TRAF3: variants seen among roughly 807,000 people sequenced by gnomAD.
TRAF3 encodes TNF receptor associated factor 3.
A neutral mutation model predicts 62.3 loss-of-function variants in TRAF3; 13 were observed. The observed-to-expected ratio is 0.21, with a 90% CI of 0.14 to 0.33. The LOEUF (loss-of-function observed/expected upper bound fraction) is 0.33. Ranked by LOEUF, TRAF3 falls within the 10% of genes least tolerant of loss-of-function variation. The pLI, the probability that TRAF3 is intolerant of heterozygous loss-of-function variation, is 1.00. For synonymous variants in TRAF3, 269 were observed against 283.4 expected (o/e 0.95, Z 0.51); for missense variants, 440 against 741.8 (o/e 0.59, Z 4.73).
At chr14:102,859,645 T>G (rs1202931754) in intron 2 of TRAF3, among the ~76,000 whole-genome samples, 1 of 152,264 alleles carries the variant, frequency 6.6e-6, no homozygotes, top group Non-Finnish European at 1.5e-5. Flanking sequence ...ACAGCTTAAG[T>G]CACACGAATT....
chr14:102,800,552 T>C (rs186929636), intron 1 of TRAF3, among the ~76,000 whole-genome samples: 1 of 152,330 alleles, frequency 6.6e-6, no homozygotes, highest in East Asian at 1.9e-4. Context: ...CCCCAGAGCC[T>C]CTGAAAATGG....
intron 2 of TRAF3, among the ~76,000 whole-genome samples, chr14:102,856,787 C>T (rs532927271): frequency 1.3e-5 from 2 of 152,152 alleles, no homozygotes; most frequent in Non-Finnish European, 2.9e-5. Context: ...GATCCATCTT[C>T]TGTAACTTCT....
At chr14:102,861,680 C>T (rs1377846020) in intron 2 of TRAF3, among the ~76,000 whole-genome samples, 1 of 152,128 alleles carries the variant, frequency 6.6e-6, no homozygotes, top group Non-Finnish European at 1.5e-5. Context: ...GTTATTGAAT[C>T]TCATGCAAGA....
chr14:102,809,820 G>A (rs1035232497), intron 1 of TRAF3, among the ~76,000 whole-genome samples: 1 of 152,030 alleles, frequency 6.6e-6, no homozygotes, highest in Non-Finnish European at 1.5e-5. Flanking sequence ...ATGAGCCACC[G>A]CGCTTGGCCC....
In TRAF3 at chr14:102,905,716, A is replaced by G; in HGVS notation, c.1639A>G (p.Thr547Ala). 6.2e-7 allele frequency: 1 copy of G among 1,612,362 alleles called. No individual in the cohort carries two copies. Among genetic ancestry groups the G allele is most frequent in the Non-Finnish European group, 8.5e-7 (1 of 1,178,788 alleles). ...FVAQTVLENG[T>A]YIKDDTIFIK... ...GGCCCAAACTGTTCTAGAAAATGGG[A>G]CATATATTAAAGATGATACAATTTT... The change falls in exon 12 of 12, where the codon ACA becomes GCA. Residue 547 changes from threonine (T) to alanine (A), a missense_variant. By Grantham distance (58) the Thr-to-Ala change is moderately conservative (BLOSUM62 0). This residue lies in a region of TRAF3 where 59 missense variants were observed against 120.9 expected (regional missense o/e 0.49). Coordinates refer to ENST00000392745, the MANE Select transcript of TRAF3 (RefSeq NM_145725.3).
chr14:102,849,711 C>T (rs902979076), intron 2 of TRAF3, among the ~76,000 whole-genome samples: 4 of 152,184 alleles, frequency 2.6e-5, no homozygotes, highest in African/African-American at 9.7e-5. Flanking sequence ...GCCCAGGATG[C>T]TGACTGTGGG....
intron 2 of TRAF3, among the ~76,000 whole-genome samples, chr14:102,849,560 T>G (rs1271731484): frequency 6.6e-6 from 1 of 152,272 alleles, no homozygotes; most frequent in African/African-American, 2.4e-5. Context: ...TGTGTTATAC[T>G]GTGATTTAAT....
At chr14:102,778,609 A>G (rs1237179000) in intron 1 of TRAF3, among the ~76,000 whole-genome samples, 1 of 127,928 alleles carries the variant, frequency 7.8e-6, no homozygotes, top group African/African-American at 2.6e-5. Flanking sequence ...GTGTGTGTGT[A>G]TGGATATAAT....
intron 1 of TRAF3, among the ~76,000 whole-genome samples, chr14:102,816,273 T>C (rs1186881302): frequency 6.6e-6 from 1 of 152,036 alleles, no homozygotes; most frequent in African/African-American, 2.4e-5. Flanking sequence ...CGCCTAATTT[T>C]TGTATTTTTT....
At chr14:102,891,692 C>G (rs1414631059) in intron 9 of TRAF3, among the ~76,000 whole-genome samples, 1 of 151,984 alleles carries the variant, frequency 6.6e-6, no homozygotes. Flanking sequence ...ATCAGATGCC[C>G]AGTCCCCACC....
At chr14:102,834,362 C>T (rs921546666) in intron 2 of TRAF3, among the ~76,000 whole-genome samples, 8 of 152,070 alleles carry the variant, frequency 5.3e-5, no homozygotes, top group East Asian at 1.9e-4. Context: ...ATTCAATCAG[C>T]GGTGCTGGGA....
At chr14:102,895,028 T>C (rs756191408) in intron 9 of TRAF3, 4 of 454,948 alleles carry the variant, frequency 8.8e-6, no homozygotes, top group South Asian at 4.7e-5. Context: ...GAGACATTAC[T>C]GAGATTTTTT....
intron 3 of TRAF3, among the ~76,000 whole-genome samples, chr14:102,871,481 T>G (rs1888340347): frequency 6.6e-6 from 1 of 152,180 alleles, no homozygotes; most frequent in African/African-American, 2.4e-5. Flanking sequence ...GGTCCCCCTG[T>G]GCAGGTGCCA....
chr14:102,829,542 T>C (rs1335655892), intron 1 of TRAF3, among the ~76,000 whole-genome samples: 2 of 152,214 alleles, frequency 1.3e-5, no homozygotes, highest in Non-Finnish European at 2.9e-5. Context: ...GGCTCATCTG[T>C]ACCTCCTGAG....
At chr14:102,823,281 A>G (rs1367599711) in intron 1 of TRAF3, among the ~76,000 whole-genome samples, 1 of 152,190 alleles carries the variant, frequency 6.6e-6, no homozygotes, top group African/African-American at 2.4e-5. Context: ...CTTTGACCTC[A>G]AACCTTCTGA....
intron 1 of TRAF3, among the ~76,000 whole-genome samples, chr14:102,792,153 C>T (rs1275598321): frequency 9.4e-6 from 1 of 106,112 alleles, no homozygotes; most frequent in Non-Finnish European, 1.8e-5. Flanking sequence ...CAGACCAGGT[C>T]TCACTCTTTT....
intron 2 of TRAF3, among the ~76,000 whole-genome samples, chr14:102,867,083 G>T (rs144232097): frequency 5.4e-4 from 82 of 152,254 alleles, no homozygotes; most frequent in African/African-American, 2.0e-3. Context: ...AGAAATTCTT[G>T]TGCTGCTAGT....
At chr14:102,799,172 G>A (rs970219838) in intron 1 of TRAF3, among the ~76,000 whole-genome samples, 1 of 152,138 alleles carries the variant, frequency 6.6e-6, no homozygotes. Flanking sequence ...GGTGGCATTG[G>A]GGGGAGATTA....
chr14:102,878,859 G>A (rs1888873112), intron 6 of TRAF3, among the ~76,000 whole-genome samples: 1 of 152,114 alleles, frequency 6.6e-6, no homozygotes, highest in Non-Finnish European at 1.5e-5. Context: ...GGTGAGAGGG[G>A]CCCCGGGGCA....
Sources: gnomAD v4.1 joint callset for allele counts (sites outside exome capture counted in the v4.1 genomes callset) on GRCh38, gnomAD v4.1.1 for gene constraint, gnomAD v4.1.1 regional missense constraint, MANE v1.5 for transcripts, NCBI Gene and HGNC (gene_info 2026-07-23, HGNC 2026-07-21) for gene names.